The following EPHA5 variants were observed in gnomAD, a reference collection of about 807,000 sequenced individuals.
The protein encoded by EPHA5 is EPH receptor A5.
A neutral mutation model predicts 105.0 loss-of-function variants in EPHA5; 60 were observed. The observed-to-expected ratio is 0.57, with a 90% CI of 0.46 to 0.71. EPHA5 has a LOEUF of 0.71. EPHA5 is among the 30% of genes least tolerant of loss of function. The pLI, the probability that EPHA5 is intolerant of heterozygous loss-of-function variation, is 0.00. For missense variants in EPHA5, 1,218 were observed against 1,274.7 expected (o/e 0.96, Z 0.68); for synonymous variants, 513 against 449.1 (o/e 1.14, Z -1.80).
In EPHA5 at chr4:65,421,844, G is replaced by A. The variant is rs543536162; in HGVS notation, c.1403-1279C>T. Among the ~76,000 whole-genome samples the A allele has an allele frequency of 3.9e-5, 6 of 152,192 alleles. No individual in the cohort carries two copies. The East Asian group carries it at 1.2e-3, about 29-fold the overall frequency. On this transcript the variant is annotated intron_variant, in intron 5 of 16. Coordinates refer to ENST00000613740, the MANE Select transcript of EPHA5 (RefSeq NM_001281766.3). ...TGTTGAATGAATTGATGGATGGATG[G>A]ATGAATGAATGGCAAATTCATATTT...
intron 8 of EPHA5, among the ~76,000 whole-genome samples, chr4:65,396,942 A>T (rs150815390): frequency 4.1e-4 from 62 of 152,312 alleles, no homozygotes; most frequent in Non-Finnish European, 8.4e-4. Context: ...GAAAGGAGAC[A>T]CAAGAAAAAG....
intron 3 of EPHA5, among the ~76,000 whole-genome samples, chr4:65,588,854 ATGGC>A (rs2149410932): frequency 6.6e-6 from 1 of 152,222 alleles, no homozygotes; most frequent in South Asian, 2.1e-4. Context: ...CAGTGCTCCA[ATGGC>A]CAGGGTGGTG....
chr4:65,433,205 A>G (rs1341975869), intron 5 of EPHA5, among the ~76,000 whole-genome samples: 3 of 152,226 alleles, frequency 2.0e-5, no homozygotes, highest in African/African-American at 7.2e-5. Context: ...TATATAACTT[A>G]AAATGACTTC....
intron 3 of EPHA5, among the ~76,000 whole-genome samples, chr4:65,518,659 G>T (rs1344828712): frequency 6.6e-6 from 1 of 151,940 alleles, no homozygotes; most frequent in African/African-American, 2.4e-5. Flanking sequence ...TGTACCCTAG[G>T]ACAGGAAATG....
At chr4:65,392,235 T>C (rs1160300183) in intron 8 of EPHA5, among the ~76,000 whole-genome samples, 3 of 152,200 alleles carry the variant, frequency 2.0e-5, no homozygotes, top group East Asian at 3.9e-4. Flanking sequence ...CATGGGAAAA[T>C]AGAAGAGATA....
intron 5 of EPHA5, among the ~76,000 whole-genome samples, chr4:65,457,221 T>C (rs1727686258): frequency 6.6e-6 from 1 of 152,174 alleles, no homozygotes; most frequent in Admixed American, 6.5e-5. Flanking sequence ...TAATGGGATT[T>C]AGTTCAGTGA....
chr4:65,357,847 T>TA (rs1378388064), intron 11 of EPHA5, among the ~76,000 whole-genome samples: 4 of 151,432 alleles, frequency 2.6e-5, no homozygotes, highest in Non-Finnish European at 4.4e-5. Flanking sequence ...TTTCTACAAT[T>TA]AAAAAAATGA....
At chr4:65,449,705 T>C (rs1396033499) in intron 5 of EPHA5, among the ~76,000 whole-genome samples, 1 of 152,138 alleles carries the variant, frequency 6.6e-6, no homozygotes, top group African/African-American at 2.4e-5. Context: ...CAGGACCATG[T>C]TAAAATGAGA....
At chr4:65,565,198 A>G (rs1404050720) in intron 3 of EPHA5, among the ~76,000 whole-genome samples, 1 of 151,698 alleles carries the variant, frequency 6.6e-6, no homozygotes, top group Admixed American at 6.6e-5. Context: ...TTTCCAGGAA[A>G]TAAGATTCAA....
At chr4:65,401,487 G>A (rs114036004) in intron 8 of EPHA5, among the ~76,000 whole-genome samples, 2,487 of 152,024 alleles carry the variant, frequency 0.016, 40 homozygotes, top group Middle Eastern at 0.027. Context: ...AATGTCCCCC[G>A]AAATTCAAGA....
At chr4:65,466,578 A>G (rs1001743253) in intron 5 of EPHA5, among the ~76,000 whole-genome samples, 9 of 152,322 alleles carry the variant, frequency 5.9e-5, no homozygotes, top group Admixed American at 5.9e-4. Context: ...GACATTCACC[A>G]GGGGACTGTT....
chr4:65,401,541 G>T (rs1721822862), intron 8 of EPHA5, among the ~76,000 whole-genome samples: 1 of 152,052 alleles, frequency 6.6e-6, no homozygotes, highest in Non-Finnish European at 1.5e-5. Flanking sequence ...AATGCAAAAA[G>T]TTGGTTTCTA....
At chr4:65,656,672 G>A (rs1749093727) in intron 1 of EPHA5, among the ~76,000 whole-genome samples, 6 of 149,858 alleles carry the variant, frequency 4.0e-5, no homozygotes, top group Non-Finnish European at 8.9e-5. Flanking sequence ...GAAGTGAAGA[G>A]GAGTGATCAG....
chr4:65,346,118 TA>T (rs1385853532), intron 14 of EPHA5, among the ~76,000 whole-genome samples: 3 of 151,788 alleles, frequency 2.0e-5, no homozygotes, highest in African/African-American at 7.2e-5. Context: ...TTCTTTTATT[TA>T]AAAAGTTAAA....
chr4:65,421,172 C>T (rs1020125849), intron 5 of EPHA5, among the ~76,000 whole-genome samples: 1 of 152,002 alleles, frequency 6.6e-6, no homozygotes, highest in Non-Finnish European at 1.5e-5. Flanking sequence ...TGGTGATCAT[C>T]ACAATTTTAT....
intron 1 of EPHA5, among the ~76,000 whole-genome samples, chr4:65,668,850 C>A (rs1044547172): frequency 6.6e-6 from 1 of 151,982 alleles, no homozygotes; most frequent in Non-Finnish European, 1.5e-5. Context: ...CACTCCCCCT[C>A]ACCCCTCCTG....
intron 3 of EPHA5, among the ~76,000 whole-genome samples, chr4:65,574,655 C>CATATATATATACATAT (rs1560717488): frequency 2.0e-4 from 18 of 89,314 alleles, no homozygotes; most frequent in South Asian, 3.6e-4. Context: ...TATATATACA[C>CATATATATATACATAT]ATATATATAT....
chr4:65,624,140 A>G (rs538605399), intron 2 of EPHA5, among the ~76,000 whole-genome samples: 1 of 152,264 alleles, frequency 6.6e-6, no homozygotes, highest in South Asian at 2.1e-4. Context: ...TAAAATCTTG[A>G]TGGAAAAACC....
rs561314303 is a variant in EPHA5, at chr4:65,650,134, G to C, written c.182-6707C>G. Among the ~76,000 whole-genome samples, 15 of 152,204 alleles carry C rather than the reference G, an allele frequency of 9.9e-5. 1 individual carries two copies. In the South Asian group the frequency reaches 3.1e-3, roughly 32 times the overall value. On this transcript the variant is annotated intron_variant, in intron 1 of 16. Coordinates refer to ENST00000613740, the MANE Select transcript of EPHA5 (RefSeq NM_001281766.3). ...ACTGCTGGTTCTTAACATATTTATG[G>C]TATATAATCATCCCCAAATTCAGCC...
Sources: allele counts gnomAD v4.1 joint callset (sites outside exome capture counted in the v4.1 genomes callset), GRCh38; gene constraint gnomAD v4.1.1; transcripts MANE v1.5; gene names NCBI Gene and HGNC (gene_info 2026-07-23, HGNC 2026-07-21).